The following TMEM132D variants were observed in gnomAD, a reference collection of about 807,000 sequenced individuals.
TMEM132D encodes transmembrane protein 132D, also known as mature OL transmembrane protein.
TMEM132D carries 21 observed loss-of-function variants against 62.3 expected under a neutral mutation model. The observed-to-expected ratio is 0.34, with a 90% CI of 0.24 to 0.49. TMEM132D has a LOEUF of 0.49. Ranked by LOEUF, TMEM132D falls within the 20% of genes least tolerant of loss-of-function variation. The probability of loss-of-function intolerance (pLI) is 0.99; values close to 1 mark genes in which losing one functional copy is unlikely to be tolerated. For synonymous variants in TMEM132D, 621 were observed against 575.6 expected, an observed-to-expected ratio of 1.08 and a Z score of -1.13; for missense variants, 1,346 against 1,402.8, an observed-to-expected ratio of 0.96 and a Z score of 0.65.
chr12:129,724,305 C>T (rs1868947306), intron 1 of TMEM132D, among the ~76,000 whole-genome samples: 1 of 152,156 alleles, frequency 6.6e-6, no homozygotes, highest in Non-Finnish European at 1.5e-5. Context: ...AAGACGAATG[C>T]TACAGGTACT....
chr12:129,191,256 C>T (rs912602351), intron 5 of TMEM132D, among the ~76,000 whole-genome samples: 3 of 150,744 alleles, frequency 2.0e-5, no homozygotes, highest in Admixed American at 6.7e-5. Context: ...CATACATACA[C>T]ATATCTTGCC....
intron 2 of TMEM132D, among the ~76,000 whole-genome samples, chr12:129,541,254 A>G (rs1232798834): frequency 1.1e-4 from 17 of 152,196 alleles, no homozygotes; most frequent in Non-Finnish European, 1.5e-5. Flanking sequence ...ACATACACAG[A>G]TGTCTTTTAT....
intron 3 of TMEM132D, among the ~76,000 whole-genome samples, chr12:129,444,766 A>C (rs1444414272): frequency 6.6e-6 from 1 of 152,250 alleles, no homozygotes; most frequent in Non-Finnish European, 1.5e-5. Context: ...AATGCAAATC[A>C]AAACCACAAT....
At chr12:129,657,737 AG>A (rs771095564) in intron 2 of TMEM132D, among the ~76,000 whole-genome samples, 2 of 152,246 alleles carry the variant, frequency 1.3e-5, no homozygotes, top group Admixed American at 6.5e-5. Flanking sequence ...GCTGTGGCCA[AG>A]GGAGAGAAAA....
At chr12:129,718,711 C>T (rs945828752) in intron 1 of TMEM132D, among the ~76,000 whole-genome samples, 7 of 152,078 alleles carry the variant, frequency 4.6e-5, no homozygotes, top group Admixed American at 4.6e-4. Context: ...AAAATGATAA[C>T]CCAGCAGAGC....
At chr12:129,416,900 G>A (rs1415759336) in intron 3 of TMEM132D, among the ~76,000 whole-genome samples, 11 of 152,136 alleles carry the variant, frequency 7.2e-5, no homozygotes, top group Admixed American at 6.5e-4. Context: ...AGCCAACTTG[G>A]TCATGGTGGA....
At chr12:129,591,453 C>T (rs265633) in intron 2 of TMEM132D, among the ~76,000 whole-genome samples, 102,657 of 151,950 alleles carry the variant, frequency 0.68, 34,950 homozygotes, top group East Asian at 0.84. Context: ...TTCATACATT[C>T]CATTCTTTCT....
intron 5 of TMEM132D, among the ~76,000 whole-genome samples, chr12:129,099,300 C>T (rs753706615): frequency 6.6e-6 from 1 of 152,170 alleles, no homozygotes; most frequent in African/African-American, 2.4e-5. Context: ...TCCATGCACA[C>T]TGATTAATTT....
intron 1 of TMEM132D, among the ~76,000 whole-genome samples, chr12:129,773,820 G>C (rs930905748): frequency 1.3e-5 from 2 of 152,190 alleles, no homozygotes; most frequent in Non-Finnish European, 2.9e-5. Flanking sequence ...GCCTCACCAA[G>C]TGGTATTTAT....
chr12:129,677,493 C>A (rs1320093764), intron 2 of TMEM132D, among the ~76,000 whole-genome samples: 1 of 152,190 alleles, frequency 6.6e-6, no homozygotes, highest in Non-Finnish European at 1.5e-5. Context: ...GTGAATGTTG[C>A]TGTGAAGAGG....
intron 3 of TMEM132D, among the ~76,000 whole-genome samples, chr12:129,486,559 T>A (rs902892961): frequency 1.3e-5 from 2 of 152,144 alleles, no homozygotes; most frequent in Non-Finnish European, 2.9e-5. Flanking sequence ...ATAAATAAGA[T>A]AATAATGATA....
intron 1 of TMEM132D, among the ~76,000 whole-genome samples, chr12:129,766,219 T>G (rs529275764): frequency 1.2e-4 from 18 of 146,094 alleles, no homozygotes; most frequent in African/African-American, 4.3e-4. Flanking sequence ...TGAGCCAAAA[T>G]TAAGCCTTAC....
At chr12:129,121,625 A>C (rs1214057357) in intron 5 of TMEM132D, among the ~76,000 whole-genome samples, 1 of 152,186 alleles carries the variant, frequency 6.6e-6, no homozygotes, top group Non-Finnish European at 1.5e-5. Flanking sequence ...CTTGAAATTC[A>C]AAGCGGTGAG....
intron 2 of TMEM132D, among the ~76,000 whole-genome samples, chr12:129,585,002 A>G (rs1296032765): frequency 6.6e-6 from 1 of 152,178 alleles, no homozygotes; most frequent in Non-Finnish European, 1.5e-5. Context: ...AGTTTCCTCG[A>G]TTGCAAAATG....
intron 5 of TMEM132D, among the ~76,000 whole-genome samples, chr12:129,126,711 T>C (rs949454186): frequency 2.0e-5 from 3 of 152,234 alleles, no homozygotes; most frequent in African/African-American, 7.2e-5. Context: ...GGTTCTGCTT[T>C]AATACATTTT....
At position 129,673,013 on chromosome 12, in the gene TMEM132D, G is replaced by C. The variant is rs182852952; in HGVS notation, c.968+26797C>G. On this transcript the variant is annotated intron_variant, in intron 2 of 8. Coordinates refer to ENST00000422113, the MANE Select transcript of TMEM132D (RefSeq NM_133448.3). ...TCTGCCCGCCACAGCCTCCCAAAGT[G>C]CTGGGATTACAGGCATGAGGCACCA... 4.8e-3 allele frequency among the ~76,000 whole-genome samples: 725 copies of C among 152,320 alleles called. 4 individuals are homozygous for C. The highest frequency in any genetic ancestry group is 0.017 in the African/African-American group (694 of 41,558).
chr12:129,838,794 CTAA>C (rs1184987903), intron 1 of TMEM132D, among the ~76,000 whole-genome samples: 1 of 152,126 alleles, frequency 6.6e-6, no homozygotes, highest in Non-Finnish European at 1.5e-5. Flanking sequence ...AATTAAAAGA[CTAA>C]TGAGATATTC....
intron 1 of TMEM132D, among the ~76,000 whole-genome samples, chr12:129,753,101 G>A (rs1870052052): frequency 1.3e-5 from 2 of 152,202 alleles, no homozygotes; most frequent in South Asian, 2.1e-4. Context: ...CAAGTAAAGT[G>A]AAACATTATC....
chr12:129,183,017 T>A (rs1878111276), intron 5 of TMEM132D, among the ~76,000 whole-genome samples: 2 of 152,174 alleles, frequency 1.3e-5, no homozygotes, highest in Admixed American at 1.3e-4. Flanking sequence ...TGGGGCTAAA[T>A]GAGGCTTCTT....
Sources: gnomAD v4.1 joint callset for allele counts (sites outside exome capture counted in the v4.1 genomes callset) on GRCh38, gnomAD v4.1.1 for gene constraint, MANE v1.5 for transcripts, NCBI Gene and HGNC (gene_info 2026-07-23, HGNC 2026-07-21) for gene names.